The following PRELID2 variants were observed in gnomAD, a reference collection of about 807,000 sequenced individuals.
The protein encoded by PRELID2 is PRELI domain-containing protein 2.
Under a neutral mutation model 28.4 loss-of-function variants are expected in PRELID2, and 25 were observed. The ratio of observed to expected loss-of-function variants is 0.88; its 90% CI spans 0.64 to 1.23. The LOEUF (loss-of-function observed/expected upper bound fraction) is 1.23, where lower values mean the gene tolerates loss of function less well. PRELID2 is among the 50% of genes most tolerant of loss of function. The pLI is 0.00. For synonymous variants in PRELID2, 76 were observed against 71.6 expected (o/e 1.06, Z -0.31); for missense variants, 201 against 214.4 (o/e 0.94, Z 0.39).
At chr5:145,314,135 G>A in the PRELID2 span, among the ~76,000 whole-genome samples, 5 of 152,302 alleles carry the variant, frequency 3.3e-5, no homozygotes, top group South Asian at 1.0e-3. Context: ...CCTTCATCAT[G>A]GATGAAGAAA....
At chr5:145,624,731 A>T (rs1292226567) in intron 1 of PRELID2, among the ~76,000 whole-genome samples, 1 of 152,228 alleles carries the variant, frequency 6.6e-6, no homozygotes, top group African/African-American at 2.4e-5. Flanking sequence ...AAAGAGATTT[A>T]TAAATTTGGC....
the PRELID2 span, among the ~76,000 whole-genome samples, chr5:145,428,062 G>A: frequency 2.0e-4 from 31 of 152,180 alleles, no homozygotes; most frequent in Admixed American, 1.2e-3. Flanking sequence ...GGGTTCAAGC[G>A]ATTCTCCTGC....
chr5:145,765,154 A>G (rs935999579), intron 5 of PRELID2, among the ~76,000 whole-genome samples, 154 bp from the exon 6 acceptor site: 1 of 152,196 alleles, frequency 6.6e-6, no homozygotes. Flanking sequence ...TTTTTTTAAT[A>G]TTTTACTCAG....
chr5:145,592,190 G>A (rs1225117118), intron 1 of PRELID2, among the ~76,000 whole-genome samples: 1 of 152,152 alleles, frequency 6.6e-6, no homozygotes, highest in Non-Finnish European at 1.5e-5. Context: ...GCTGAGGAGG[G>A]TGGATCACAA....
At chr5:145,412,046 A>AT in the PRELID2 span, among the ~76,000 whole-genome samples, 11 of 151,602 alleles carry the variant, frequency 7.3e-5, no homozygotes, top group African/African-American at 2.7e-4. Flanking sequence ...CCAGAAAACC[A>AT]TTTTTCTCTC....
At chr5:145,436,169 A>G in the PRELID2 span, among the ~76,000 whole-genome samples, 2 of 152,088 alleles carry the variant, frequency 1.3e-5, no homozygotes, top group Non-Finnish European at 2.9e-5. Context: ...GCTCCCACTT[A>G]TAAGTGACAT....
At chr5:145,663,788 A>G (rs986293973) in intron 1 of PRELID2, among the ~76,000 whole-genome samples, 1 of 152,060 alleles carries the variant, frequency 6.6e-6, no homozygotes, top group Non-Finnish European at 1.5e-5. Context: ...CTCATTTGTA[A>G]AACTGGCAAG....
At chr5:145,245,138 T>C in the PRELID2 span, among the ~76,000 whole-genome samples, 20 of 152,126 alleles carry the variant, frequency 1.3e-4, 1 homozygote, top group African/African-American at 3.6e-4. Flanking sequence ...CTCTTAAAGC[T>C]AGATACTAAT....
the PRELID2 span, among the ~76,000 whole-genome samples, chr5:145,416,849 C>T: frequency 6.6e-6 from 1 of 151,924 alleles, no homozygotes; most frequent in Non-Finnish European, 1.5e-5. Flanking sequence ...ATCAGTGAAT[C>T]CAGCTTTAAC....
At chr5:145,589,635 A>G (rs1409317431) in intron 1 of PRELID2, among the ~76,000 whole-genome samples, 1 of 152,034 alleles carries the variant, frequency 6.6e-6, no homozygotes, top group Non-Finnish European at 1.5e-5. Context: ...TATTTCATTA[A>G]TTGTAGCCTC....
intron 2 of PRELID2, among the ~76,000 whole-genome samples, chr5:145,820,906 C>G (rs1029859422): frequency 5.9e-5 from 9 of 152,122 alleles, no homozygotes; most frequent in African/African-American, 2.2e-4. Context: ...AGCGGGCAAC[C>G]TGAAAGGCAG....
At chr5:145,721,766 T>A (rs1339948230) in intron 1 of PRELID2, among the ~76,000 whole-genome samples, 2 of 151,970 alleles carry the variant, frequency 1.3e-5, no homozygotes, top group African/African-American at 4.8e-5. Context: ...GACACAGACA[T>A]AACAGGAAAT....
chr5:145,236,433 AG>A, the PRELID2 span, among the ~76,000 whole-genome samples: 1 of 152,274 alleles, frequency 6.6e-6, no homozygotes, highest in African/African-American at 2.4e-5. Flanking sequence ...AAAAGGTAAA[AG>A]CCTCAGACAT....
chr5:145,362,184 G>T, the PRELID2 span, among the ~76,000 whole-genome samples: 1 of 152,124 alleles, frequency 6.6e-6, no homozygotes, highest in East Asian at 1.9e-4. Flanking sequence ...GGAAAGCAAG[G>T]CTGGGAATTA....
intron 1 of PRELID2, among the ~76,000 whole-genome samples, chr5:145,602,024 T>A (rs923930021): frequency 6.6e-6 from 1 of 152,190 alleles, no homozygotes; most frequent in Non-Finnish European, 1.5e-5. Flanking sequence ...ATTGCTTTAG[T>A]GTTACTCCAA....
chr5:145,337,033 A>G, the PRELID2 span, among the ~76,000 whole-genome samples: 1 of 151,348 alleles, frequency 6.6e-6, no homozygotes, highest in Non-Finnish European at 1.5e-5. Context: ...TAATGGGTGC[A>G]GCACACCAGC....
intron 6 of PRELID2, among the ~76,000 whole-genome samples, chr5:145,761,495 T>C (rs991171874): frequency 1.5e-4 from 23 of 152,190 alleles, no homozygotes; most frequent in Admixed American, 1.1e-3. Context: ...TGTCAAACTA[T>C]AAACTTTAGG....
intron 1 of PRELID2, among the ~76,000 whole-genome samples, chr5:145,668,172 T>C (rs1273984276): frequency 2.0e-5 from 3 of 152,040 alleles, no homozygotes; most frequent in South Asian, 2.1e-4. Flanking sequence ...GAATGTGTAC[T>C]ACCAAAACAA....
At chr5:145,641,927 G>T (rs1754114113) in intron 1 of PRELID2, among the ~76,000 whole-genome samples, 1 of 152,188 alleles carries the variant, frequency 6.6e-6, no homozygotes, top group Non-Finnish European at 1.5e-5. Context: ...ATGGACATTT[G>T]GGTTGGTTCC....
Sources: gnomAD v4.1 joint callset for allele counts (sites outside exome capture counted in the v4.1 genomes callset) on GRCh38, gnomAD v4.1.1 for gene constraint, MANE v1.5 for transcripts, NCBI Gene and HGNC (gene_info 2026-07-23, HGNC 2026-07-21) for gene names.